Variants in RNF182 observed in about 807,000 individuals in gnomAD.
RNF182 encodes E3 ubiquitin-protein ligase RNF182.
In RNF182, 15 loss-of-function variants were observed where a neutral mutation model predicts 14.4. That is an observed-to-expected ratio of 1.04 (90% CI 0.70 to 1.60). The LOEUF (loss-of-function observed/expected upper bound fraction) is 1.60. Ranked by LOEUF, RNF182 falls within the 40% of genes most tolerant of loss-of-function variation. The pLI is 0.00. For missense variants in RNF182, 268 were observed against 294.8 expected, an observed-to-expected ratio of 0.91 and a Z score of 0.67; for synonymous variants, 128 against 122.9, an observed-to-expected ratio of 1.04 and a Z score of -0.27.
intron 1 of RNF182, among the ~76,000 whole-genome samples, chr6:13,926,825 G>C (rs897717104): frequency 9.3e-5 from 14 of 150,958 alleles, no homozygotes; most frequent in Admixed American, 4.6e-4. Context: ...CAACAGAACA[G>C]CTTTATTCAG....
At chr6:13,952,326 C>T (rs150880324) in intron 1 of RNF182, among the ~76,000 whole-genome samples, 123 of 152,280 alleles carry the variant, frequency 8.1e-4, no homozygotes, top group African/African-American at 2.8e-3. Flanking sequence ...GTCCCACTAT[C>T]CTGTACATGC....
chr6:13,940,463 C>A (rs914344227), intron 1 of RNF182, among the ~76,000 whole-genome samples: 3 of 152,082 alleles, frequency 2.0e-5, no homozygotes, highest in Non-Finnish European at 2.9e-5. Context: ...ATAGTGCCTC[C>A]CTTTTCATTT....
intron 1 of RNF182, among the ~76,000 whole-genome samples, chr6:13,968,658 G>C (rs9464531): frequency 6.6e-6 from 1 of 152,090 alleles, no homozygotes; most frequent in Non-Finnish European, 1.5e-5. Context: ...TTCATTTGGG[G>C]TGGTATTCAG....
rs146765830 is a variant in RNF182, at chr6:13,949,444, A to G, written c.-367+24421A>G. ...AAGCTGTCATCTATAGGTTTCTTTGACTTCATTCTGGCCTTTGGTTGACGA... is the reference window on the plus strand; with the variant it reads ...AAGCTGTCATCTATAGGTTTCTTTGGCTTCATTCTGGCCTTTGGTTGACGA... On this transcript the variant is annotated intron_variant, in intron 1 of 2. Transcript: ENST00000488300. 1.1e-3 allele frequency: 736 copies of G among 676,854 alleles called. 3 individuals are homozygous for G. In the African/African-American group the frequency reaches 0.013, roughly 12 times the overall value. The allele number at this position is 676,854 out of a possible 1,614,324, so 41.9% of individuals were successfully genotyped here.
chr6:13,949,842 T>C (rs1759540818), intron 1 of RNF182, among the ~76,000 whole-genome samples: 1 of 152,080 alleles, frequency 6.6e-6, no homozygotes, highest in African/African-American at 2.4e-5. Context: ...TGCTGAAGAG[T>C]AGATCAGTGC....
At position 13,978,907 on chromosome 6, in the gene RNF182, G is replaced by C. The variant is rs1581266244; in HGVS notation, c.*1044G>C. On this transcript the variant is annotated 3_prime_UTR_variant, in exon 3 of 3. Transcript: ENST00000488300. ...ACAGTTTGAAGTGCTGAGAACCTAAGTATTTTGCTGTACGGTACTGAGCTG... is the reference window on the plus strand; with the variant it reads ...ACAGTTTGAAGTGCTGAGAACCTAACTATTTTGCTGTACGGTACTGAGCTG... 2 of 167,062 alleles carry C rather than the reference G, an allele frequency of 1.2e-5. No homozygotes were observed. Among genetic ancestry groups the C allele is most frequent in the East Asian group, 3.9e-4 (2 of 5,192 alleles). The allele number at this position is 167,062 out of a possible 1,614,324, so 10.3% of individuals were successfully genotyped here. A position where few individuals can be genotyped will look rare whatever the true frequency, so the allele number is the denominator to read the frequency against.
At chr6:13,960,688 TGTGTGC>T (rs1759852447) in intron 1 of RNF182, among the ~76,000 whole-genome samples, 1 of 117,118 alleles carries the variant, frequency 8.5e-6, no homozygotes, top group South Asian at 2.9e-4. Context: ...TGTGTGTGTG[TGTGTGC>T]GCGCGTGCAC....
intron 1 of RNF182, among the ~76,000 whole-genome samples, chr6:13,937,438 G>T (rs564306845): frequency 5.0e-4 from 76 of 152,334 alleles, no homozygotes; most frequent in African/African-American, 1.8e-3. Context: ...ATGTGTGTGT[G>T]TATGATAGCT....
intron 1 of RNF182, among the ~76,000 whole-genome samples, chr6:13,943,581 C>T (rs543374657): frequency 6.6e-6 from 1 of 152,152 alleles, no homozygotes; most frequent in Non-Finnish European, 1.5e-5. Context: ...TGCATACATG[C>T]CTGTCCCCCT....
At chr6:13,943,237 A>G (rs1759343753) in intron 1 of RNF182, among the ~76,000 whole-genome samples, 1 of 152,024 alleles carries the variant, frequency 6.6e-6, no homozygotes, top group South Asian at 2.1e-4. Context: ...ATAAAATGCT[A>G]TACAATGTAA....
At chr6:13,945,953 A>G (rs1196328253) in intron 1 of RNF182, among the ~76,000 whole-genome samples, 3 of 152,140 alleles carry the variant, frequency 2.0e-5, no homozygotes, top group Non-Finnish European at 2.9e-5. Flanking sequence ...TGGCTATTCC[A>G]TAGAGAGACT....
chr6:13,969,682 T>C (rs1760126829), intron 1 of RNF182, among the ~76,000 whole-genome samples: 1 of 152,142 alleles, frequency 6.6e-6, no homozygotes, highest in Admixed American at 6.6e-5. Context: ...TAATAAGTGG[T>C]TTATTATTTA....
intron 1 of RNF182, among the ~76,000 whole-genome samples, chr6:13,946,321 A>T (rs1759442225): frequency 6.6e-6 from 1 of 151,826 alleles, no homozygotes; most frequent in Non-Finnish European, 1.5e-5. Context: ...CATGTGCATT[A>T]TGCCTGGGTA....
chr6:13,927,882 T>G (rs1758868053), intron 1 of RNF182, among the ~76,000 whole-genome samples: 1 of 152,240 alleles, frequency 6.6e-6, no homozygotes, highest in Non-Finnish European at 1.5e-5. Flanking sequence ...CACTTAGATT[T>G]AGATTTGTGG....
intron 1 of RNF182, among the ~76,000 whole-genome samples, chr6:13,928,880 T>G (rs1375305407): frequency 7.1e-6 from 1 of 141,384 alleles, no homozygotes; most frequent in Non-Finnish European, 1.5e-5. Context: ...TGGTGGTGGT[T>G]GGGAGGGCAG....
At chr6:13,963,074 G>A (rs1255074147) in intron 1 of RNF182, among the ~76,000 whole-genome samples, 2 of 152,104 alleles carry the variant, frequency 1.3e-5, no homozygotes, top group Non-Finnish European at 2.9e-5. Flanking sequence ...TGCCTATTAA[G>A]TGGGAATTAT....
At chr6:13,939,732 A>T (rs1344781487) in intron 1 of RNF182, among the ~76,000 whole-genome samples, 1 of 151,906 alleles carries the variant, frequency 6.6e-6, no homozygotes, top group Non-Finnish European at 1.5e-5. Context: ...TTTAGTAGAG[A>T]TGGGGTTTCA....
At chr6:13,927,390 A>G (rs559197253) in intron 1 of RNF182, among the ~76,000 whole-genome samples, 1 of 152,328 alleles carries the variant, frequency 6.6e-6, no homozygotes, top group South Asian at 2.1e-4. Context: ...CAGGTGTAAA[A>G]TACTAGTCAT....
In RNF182 at chr6:13,976,991, C is replaced by T. The variant is rs1043553284; in HGVS notation, c.-129C>T. ...AAAATGCCTGGAAGATTTCTGGTTT[C>T]TTTCACTACTTATCCTGCCTTTTTG... On this transcript the variant is annotated 5_prime_UTR_variant, in exon 3 of 3. Coordinates refer to ENST00000488300, the MANE Select transcript of RNF182 (RefSeq NM_152737.4). The T allele has an allele frequency of 2.0e-6, 2 of 989,884 alleles. No homozygotes were observed. The highest frequency in any genetic ancestry group is 1.6e-5 in the African/African-American group (1 of 61,706). The allele number at this position is 989,884 out of a possible 1,614,324, so 61.3% of individuals were successfully genotyped here. A position where few individuals can be genotyped will look rare whatever the true frequency, so the allele number is the denominator to read the frequency against.
Sources: gnomAD v4.1 joint callset for allele counts (sites outside exome capture counted in the v4.1 genomes callset) on GRCh38, gnomAD v4.1.1 for gene constraint, MANE v1.5 for transcripts, NCBI Gene and HGNC (gene_info 2026-07-23, HGNC 2026-07-21) for gene names.